Variants in ELMO1 observed in about 807,000 individuals in gnomAD.
ELMO1 encodes engulfment and cell motility protein 1.
Under a neutral mutation model 98.9 loss-of-function variants are expected in ELMO1, and 26 were observed. That is an observed-to-expected ratio of 0.26 (90% CI 0.19 to 0.36). The LOEUF (loss-of-function observed/expected upper bound fraction) is 0.36. Ranked by LOEUF, ELMO1 falls within the 10% of genes least tolerant of loss-of-function variation. The probability of loss-of-function intolerance (pLI) is 1.00; values close to 1 mark genes in which losing one functional copy is unlikely to be tolerated. For missense variants in ELMO1, 627 were observed against 935.2 expected (o/e 0.67, Z 4.30); for synonymous variants, 346 against 346.0 (o/e 1.00, Z 0.00).
intron 17 of ELMO1, among the ~76,000 whole-genome samples, chr7:36,892,956 A>G (rs761985381): frequency 6.7e-5 from 10 of 150,036 alleles, no homozygotes; most frequent in Non-Finnish European, 1.3e-4. Flanking sequence ...ATCTTATAAT[A>G]AAGGGGAAAG....
Position 36,890,600 on chromosome 7 carries a change from T to C in ELMO1, c.1602-2928A>G, listed in dbSNP as rs571276079. The stretch of plus-strand genomic sequence containing the variant: ...AGGTATTTCCTAATCAATCAGGAAA[T>C]ACCTTTGTCCCTTCTCTTCAAAATG... On this transcript the variant is annotated intron_variant, in intron 17 of 21. Transcript: ENST00000310758. Among the ~76,000 whole-genome samples the C allele has an allele frequency of 2.1e-4, 32 of 152,298 alleles. No individual in the cohort carries two copies. The South Asian group carries it at 6.2e-3, about 30-fold the overall frequency.
intron 16 of ELMO1, among the ~76,000 whole-genome samples, chr7:36,935,484 T>C (rs1786448646): frequency 6.6e-6 from 1 of 152,178 alleles, no homozygotes; most frequent in Admixed American, 6.5e-5. Flanking sequence ...GCCATCCTTA[T>C]CTGATGATGC....
chr7:36,855,779 A>G lies in ELMO1; in HGVS notation c.1984-28T>C. On this transcript the variant is annotated intron_variant, in intron 21 of 21. Transcript: ENST00000310758. The surrounding 1 kb of genome is among the most constrained non-coding windows in gnomAD (Gnocchi z 4.2). ...GGCAGGAAGGGAGGCAACAGCGATC[A>G]TTACTGGTGGCAATTACAGAAGTAT... 1.9e-6 allele frequency: 3 copies of G among 1,613,124 alleles called. No individual in the cohort carries two copies. Among genetic ancestry groups the G allele is most frequent in the African/African-American group, 1.3e-5 (1 of 75,016 alleles).
At position 37,010,293 on chromosome 7, in the gene ELMO1, T is replaced by C. The variant is rs76531608; in HGVS notation, c.1437+3006A>G. The stretch of plus-strand genomic sequence containing the variant: ...CTGCAAATCAAATACACACTGGAAA[T>C]AGGCAGAATAACAGCTTCCCATTGG... On this transcript the variant is annotated intron_variant, in intron 16 of 21. Coordinates refer to ENST00000310758, the MANE Select transcript of ELMO1 (RefSeq NM_014800.11). Among the ~76,000 whole-genome samples, 1,178 of 152,278 alleles carry C rather than the reference T, an allele frequency of 7.7e-3. 14 individuals are homozygous for C. Among genetic ancestry groups the C allele is most frequent in the African/African-American group, 0.027 (1,107 of 41,560 alleles).
intron 16 of ELMO1, among the ~76,000 whole-genome samples, chr7:36,994,380 A>G (rs1792064617): frequency 6.6e-6 from 1 of 152,172 alleles, no homozygotes; most frequent in Non-Finnish European, 1.5e-5. Flanking sequence ...GCTCTCACCA[A>G]TACTGGGAAC....
chr7:37,399,032 A>T (rs1005891898), intron 1 of ELMO1, among the ~76,000 whole-genome samples: 4 of 152,092 alleles, frequency 2.6e-5, no homozygotes, highest in Admixed American at 6.5e-5. Context: ...CAGATTCCAC[A>T]TCCTGCCTCT....
intron 4 of ELMO1, among the ~76,000 whole-genome samples, chr7:37,277,434 A>G (rs1796901346): frequency 6.6e-6 from 1 of 152,240 alleles, no homozygotes; most frequent in South Asian, 2.1e-4. Context: ...AGACATCTTC[A>G]TGGAACAGAG....
intron 13 of ELMO1, among the ~76,000 whole-genome samples, chr7:37,152,972 C>G (rs1457635808): frequency 6.6e-6 from 1 of 152,106 alleles, no homozygotes; most frequent in Non-Finnish European, 1.5e-5. Flanking sequence ...GAGCGGACAC[C>G]TATAAGGGAC....
chr7:37,079,516 C>T (rs1562987010), intron 15 of ELMO1, among the ~76,000 whole-genome samples: 1 of 152,182 alleles, frequency 6.6e-6, no homozygotes, highest in Non-Finnish European at 1.5e-5. Flanking sequence ...CACTGAGCAG[C>T]ATGCATCTCT....
chr7:37,022,309 T>C (rs762980100), intron 15 of ELMO1, among the ~76,000 whole-genome samples: 1 of 152,134 alleles, frequency 6.6e-6, no homozygotes, highest in East Asian at 1.9e-4. Flanking sequence ...AACTTTGGAA[T>C]AGAGAAAAAA....
At chr7:37,385,838 G>A (rs1351826556) in intron 1 of ELMO1, among the ~76,000 whole-genome samples, 1 of 152,204 alleles carries the variant, frequency 6.6e-6, no homozygotes, top group African/African-American at 2.4e-5. Flanking sequence ...CGCCCCTAGA[G>A]CTTTTGAGGA....
intron 1 of ELMO1, among the ~76,000 whole-genome samples, chr7:37,399,149 T>C (rs1448408996): frequency 6.6e-6 from 1 of 152,080 alleles, no homozygotes; most frequent in African/African-American, 2.4e-5. Flanking sequence ...CTCCTTGATC[T>C]GCCCCCTGCT....
At chr7:37,101,066 T>C (rs1184624199) in intron 14 of ELMO1, among the ~76,000 whole-genome samples, 1 of 152,256 alleles carries the variant, frequency 6.6e-6, no homozygotes, top group African/African-American at 2.4e-5. Context: ...ATGGCCAACA[T>C]TTCACACAAC....
At chr7:36,901,250 G>A (rs748300420) in intron 16 of ELMO1, among the ~76,000 whole-genome samples, 5 of 152,226 alleles carry the variant, frequency 3.3e-5, no homozygotes, top group Admixed American at 2.6e-4. Flanking sequence ...ATTTTGCTGA[G>A]TGGTGTCGTG....
chr7:36,908,427 G>A (rs1356587066), intron 16 of ELMO1, among the ~76,000 whole-genome samples: 1 of 152,098 alleles, frequency 6.6e-6, no homozygotes, highest in African/African-American at 2.4e-5. Flanking sequence ...TAGAAGTAAT[G>A]TTTATTTATA....
At chr7:36,985,588 G>T (rs1475783532) in intron 16 of ELMO1, among the ~76,000 whole-genome samples, 2 of 151,658 alleles carry the variant, frequency 1.3e-5, no homozygotes, top group Non-Finnish European at 2.9e-5. Context: ...CAATACACAG[G>T]GTTGACTCTT....
intron 13 of ELMO1, among the ~76,000 whole-genome samples, chr7:37,210,772 C>T (rs1360784137): frequency 1.3e-5 from 2 of 151,600 alleles, no homozygotes; most frequent in Non-Finnish European, 2.9e-5. Context: ...TGATATTAGC[C>T]GAAGGTCACT....
intron 17 of ELMO1, among the ~76,000 whole-genome samples, chr7:36,891,847 C>T (rs1297315203): frequency 6.6e-6 from 1 of 152,160 alleles, no homozygotes; most frequent in Non-Finnish European, 1.5e-5. Context: ...CATTTTGCTT[C>T]CCTGCTTTCA....
chr7:36,910,727 G>A (rs1355336898), intron 16 of ELMO1, among the ~76,000 whole-genome samples: 2 of 152,134 alleles, frequency 1.3e-5, no homozygotes, highest in Admixed American at 6.5e-5. Context: ...GTTGGTCAAC[G>A]AGCTTTGATA....
Sources: allele counts gnomAD v4.1 joint callset (sites outside exome capture counted in the v4.1 genomes callset), GRCh38; gene constraint gnomAD v4.1.1; non-coding constraint Gnocchi (gnomAD v3.1); transcripts MANE v1.5; gene names NCBI Gene and HGNC (gene_info 2026-07-23, HGNC 2026-07-21).